Variants in GALNT13 observed in about 807,000 individuals in gnomAD.
The protein encoded by GALNT13 is UDP-GalNAc:polypeptide N-acetylgalactosaminyltransferase 13.
GALNT13 carries 28 observed loss-of-function variants against 64.2 expected under a neutral mutation model. That is an observed-to-expected ratio of 0.44 (90% CI 0.32 to 0.60). GALNT13 has a LOEUF of 0.60. Ranked by LOEUF, GALNT13 falls within the 20% of genes least tolerant of loss-of-function variation. The pLI, the probability that GALNT13 is intolerant of heterozygous loss-of-function variation, is 0.05. For missense variants in GALNT13, 577 were observed against 669.8 expected (o/e 0.86, Z 1.53); for synonymous variants, 214 against 224.6 (o/e 0.95, Z 0.42).
the GALNT13 span, among the ~76,000 whole-genome samples, chr2:153,112,145 T>C: frequency 5.9e-5 from 9 of 152,158 alleles, no homozygotes; most frequent in Non-Finnish European, 1.3e-4. Context: ...TTCTAGCCTC[T>C]GTCTGCCTCT....
intron 9 of GALNT13, among the ~76,000 whole-genome samples, chr2:154,385,628 T>G (rs1430577619): frequency 6.6e-6 from 1 of 151,980 alleles, no homozygotes; most frequent in African/African-American, 2.4e-5. Context: ...CTATATAGAC[T>G]TAATGAGAAT....
chr2:153,867,653 T>G (rs966658140), upstream of GALNT13, among the ~76,000 whole-genome samples: 1 of 151,952 alleles, frequency 6.6e-6, no homozygotes, highest in East Asian at 1.9e-4. Flanking sequence ...AATAATTATC[T>G]AACTCACCAT....
At chr2:154,067,268 G>A (rs1700515113) in intron 3 of GALNT13, among the ~76,000 whole-genome samples, 1 of 151,842 alleles carries the variant, frequency 6.6e-6, no homozygotes, top group African/African-American at 2.4e-5. Flanking sequence ...GCAAAATGGT[G>A]GGATTACATC....
At chr2:153,096,967 T>C in the GALNT13 span, among the ~76,000 whole-genome samples, 1 of 152,230 alleles carries the variant, frequency 6.6e-6, no homozygotes, top group South Asian at 2.1e-4. Flanking sequence ...CCAGTCTTCT[T>C]TTTATTGAAG....
At chr2:154,391,625 AAAC>A (rs1698796932) in intron 9 of GALNT13, among the ~76,000 whole-genome samples, 1 of 152,186 alleles carries the variant, frequency 6.6e-6, no homozygotes, top group Non-Finnish European at 1.5e-5. Flanking sequence ...CAGGCGTGCA[AAAC>A]AACAGCTATC....
intron 2 of GALNT13, among the ~76,000 whole-genome samples, chr2:153,924,656 A>C (rs1311089664): frequency 1.3e-5 from 2 of 152,148 alleles, no homozygotes; most frequent in Non-Finnish European, 2.9e-5. Context: ...ACAATGGTTG[A>C]ACTAATTTAT....
chr2:153,256,543 C>T, the GALNT13 span, among the ~76,000 whole-genome samples: 1 of 152,190 alleles, frequency 6.6e-6, no homozygotes, highest in South Asian at 2.1e-4. Context: ...GAGAGGCGCT[C>T]TGCTTTTTAG....
chr2:153,558,520 G>C, the GALNT13 span, among the ~76,000 whole-genome samples: 4 of 151,568 alleles, frequency 2.6e-5, no homozygotes, highest in Non-Finnish European at 5.9e-5. Flanking sequence ...TATAACAGTG[G>C]TTTGTACTTT....
chr2:153,968,868 T>G (rs1290621950), intron 3 of GALNT13, among the ~76,000 whole-genome samples: 1 of 152,234 alleles, frequency 6.6e-6, no homozygotes, highest in Non-Finnish European at 1.5e-5. Context: ...CATCAGTATG[T>G]GTATACATAT....
intron 11 of GALNT13, among the ~76,000 whole-genome samples, chr2:154,411,512 C>T (rs551766066): frequency 6.6e-6 from 1 of 151,588 alleles, no homozygotes. Flanking sequence ...ATGTGTGTCA[C>T]TAGAACTTCA....
the GALNT13 span, among the ~76,000 whole-genome samples, chr2:153,581,025 T>C: frequency 1.3e-5 from 2 of 152,188 alleles, no homozygotes; most frequent in Non-Finnish European, 2.9e-5. Flanking sequence ...GAGATACTTA[T>C]ACATGTTCTA....
chr2:153,100,635 C>A, the GALNT13 span, among the ~76,000 whole-genome samples: 2 of 152,100 alleles, frequency 1.3e-5, no homozygotes, highest in African/African-American at 4.8e-5. Flanking sequence ...TTCTGTTTGA[C>A]CTTAAATATT....
At chr2:153,776,809 A>T in the GALNT13 span, among the ~76,000 whole-genome samples, 1 of 152,178 alleles carries the variant, frequency 6.6e-6, no homozygotes, top group Non-Finnish European at 1.5e-5. Flanking sequence ...CCTAGATGAA[A>T]CATTTCCTTG....
chr2:154,136,151 G>C (rs180945385), intron 3 of GALNT13, among the ~76,000 whole-genome samples: 1 of 152,202 alleles, frequency 6.6e-6, no homozygotes, highest in Admixed American at 6.5e-5. Context: ...GAAAGTGAAA[G>C]ATCTACAATG....
rs973815832 is a variant in GALNT13 at position 154,029,753 on chromosome 2, A to G, written c.142+85114A>G. Among the ~76,000 whole-genome samples, 4 of 152,326 alleles carry G rather than the reference A, an allele frequency of 2.6e-5. 1 individual carries two copies. Among genetic ancestry groups the G allele is most frequent in the Non-Finnish European group, 2.9e-5 (2 of 68,012 alleles). ...ATATGACTTACATAATAAAACTGTGAGACAGAAAAGTTTTAATTACTGTCA... is the reference window on the plus strand; with the variant it reads ...ATATGACTTACATAATAAAACTGTGGGACAGAAAAGTTTTAATTACTGTCA... On this transcript the variant is annotated intron_variant, in intron 3 of 12. Coordinates refer to ENST00000392825, the MANE Select transcript of GALNT13 (RefSeq NM_052917.4).
intron 8 of GALNT13, among the ~76,000 whole-genome samples, chr2:154,264,466 C>CAAAAAAAA (rs3078698): frequency 1.6e-5 from 2 of 123,476 alleles, no homozygotes; most frequent in African/African-American, 3.1e-5. Context: ...ACTAAAAATA[C>CAAAAAAAA]AAAAAAAAAA....
At chr2:153,327,916 T>C in the GALNT13 span, among the ~76,000 whole-genome samples, 8 of 152,320 alleles carry the variant, frequency 5.3e-5, no homozygotes, top group African/African-American at 1.9e-4. Context: ...ACTGTTTTTT[T>C]CTCATCTTCA....
At chr2:153,500,671 G>A in the GALNT13 span, among the ~76,000 whole-genome samples, 1 of 152,212 alleles carries the variant, frequency 6.6e-6, no homozygotes, top group Non-Finnish European at 1.5e-5. Flanking sequence ...CAACTAATGA[G>A]CATCTGTCAA....
chr2:153,087,230 G>C, the GALNT13 span, among the ~76,000 whole-genome samples: 16 of 152,112 alleles, frequency 1.1e-4, no homozygotes, highest in East Asian at 5.8e-4. Flanking sequence ...TGCTTCTATT[G>C]AGATGATCAT....
Sources: allele counts gnomAD v4.1 joint callset (sites outside exome capture counted in the v4.1 genomes callset), GRCh38; gene constraint gnomAD v4.1.1; transcripts MANE v1.5; gene names NCBI Gene and HGNC (gene_info 2026-07-23, HGNC 2026-07-21).